SPIDR: variants seen among roughly 807,000 people sequenced by gnomAD.
The protein encoded by SPIDR is scaffold protein involved in DNA repair.
SPIDR carries 93 observed loss-of-function variants against 104.6 expected under a neutral mutation model. The observed-to-expected ratio is 0.89, with a 90% CI of 0.75 to 1.06. The LOEUF (loss-of-function observed/expected upper bound fraction) is 1.06, where lower values mean the gene tolerates loss of function less well. Ranked by LOEUF, SPIDR falls within the 50% of genes least tolerant of loss-of-function variation. The probability of loss-of-function intolerance (pLI) is 0.00; values close to 1 mark genes in which losing one functional copy is unlikely to be tolerated. For missense variants in SPIDR, 1,154 were observed against 1,111.2 expected (o/e 1.04, Z -0.55); for synonymous variants, 431 against 416.9 (o/e 1.03, Z -0.41).
rs1291746001 is a variant in SPIDR, at chr8:47,281,899, CAT to C, written c.189+1883_189+1884del. On this transcript the variant is annotated intron_variant, in intron 2 of 19. Coordinates refer to ENST00000297423, the MANE Select transcript of SPIDR (RefSeq NM_001080394.4). ...ATCTGTGGCAGCTACAGCCATATGA[CAT>C]GTATTTCTGAAATAATAAGATTTGA... Among the ~76,000 whole-genome samples the C allele has an allele frequency of 2.6e-5, 4 of 152,312 alleles. No individual in the cohort carries two copies. In the East Asian group the frequency reaches 7.7e-4, roughly 29 times the overall value.
intron 10 of SPIDR, among the ~76,000 whole-genome samples, chr8:47,610,248 A>AATCCTGCAGCT: frequency 6.6e-6 from 1 of 151,994 alleles, no homozygotes; most frequent in Non-Finnish European, 1.5e-5. Flanking sequence ...TGCAATCTGG[A>AATCCTGCAGCT]GCAGCACTGT....
chr8:47,383,175 A>G (rs1246069572), intron 5 of SPIDR, among the ~76,000 whole-genome samples: 3 of 152,194 alleles, frequency 2.0e-5, no homozygotes, highest in African/African-American at 7.2e-5. Flanking sequence ...CTGCTTTTCC[A>G]GCCTCCTGCC....
chr8:47,407,785 T>C (rs921166709), intron 6 of SPIDR, 76 bp from the exon 7 acceptor site: 2 of 778,186 alleles, frequency 2.6e-6, no homozygotes, highest in Non-Finnish European at 4.1e-6. Context: ...GGTTGGGGGG[T>C]ATACAATATA....
chr8:47,400,677 C>CTTTTTTTTTTTTT (rs35140121), intron 6 of SPIDR, among the ~76,000 whole-genome samples: 1 of 139,542 alleles, frequency 7.2e-6, no homozygotes, highest in Non-Finnish European at 1.5e-5. Flanking sequence ...TTCTTTCTTT[C>CTTTTTTTTTTTTT]TTTTTTTTTT....
At chr8:47,480,118 A>G (rs1190584690) in intron 8 of SPIDR, among the ~76,000 whole-genome samples, 1 of 152,214 alleles carries the variant, frequency 6.6e-6, no homozygotes, top group Admixed American at 6.5e-5. Flanking sequence ...AGAAAAATGT[A>G]TCCATCCACT....
chr8:47,726,624 A>AC (rs1183854410), intron 16 of SPIDR, among the ~76,000 whole-genome samples: 2 of 151,748 alleles, frequency 1.3e-5, no homozygotes, highest in African/African-American at 2.4e-5. Flanking sequence ...TGTCTTGTGG[A>AC]CCCCCCTCAC....
At chr8:47,480,683 C>T (rs2076807007) in intron 8 of SPIDR, among the ~76,000 whole-genome samples, 1 of 152,304 alleles carries the variant, frequency 6.6e-6, no homozygotes, top group Non-Finnish European at 1.5e-5. Flanking sequence ...TGTGGCCTGA[C>T]TTGGATTTCA....
At chr8:47,523,439 T>G (rs1051811498) in intron 8 of SPIDR, among the ~76,000 whole-genome samples, 2 of 152,192 alleles carry the variant, frequency 1.3e-5, no homozygotes, top group Non-Finnish European at 2.9e-5. Context: ...TCAGGGAGGT[T>G]TGAAGATTAT....
intron 8 of SPIDR, among the ~76,000 whole-genome samples, chr8:47,494,944 G>C (rs2079219119): frequency 6.6e-6 from 1 of 152,184 alleles, no homozygotes; most frequent in South Asian, 2.1e-4. Flanking sequence ...CCCAGTGAAG[G>C]GGAAGTGGTA....
chr8:47,339,194 T>G (rs2050282267), intron 5 of SPIDR, among the ~76,000 whole-genome samples: 1 of 152,232 alleles, frequency 6.6e-6, no homozygotes, highest in Admixed American at 6.5e-5. Flanking sequence ...TTTTGGAAGT[T>G]TAGCGATTTT....
chr8:47,653,906 G>T, intron 10 of SPIDR: 2 of 919,480 alleles, frequency 2.2e-6, no homozygotes, highest in Non-Finnish European at 2.6e-6. Flanking sequence ...AAAGGAAAAA[G>T]AATTGTTTAC....
At chr8:47,488,311 G>C (rs1481069557) in intron 8 of SPIDR, among the ~76,000 whole-genome samples, 1 of 152,158 alleles carries the variant, frequency 6.6e-6, no homozygotes, top group African/African-American at 2.4e-5. Flanking sequence ...GGAAGAAGTT[G>C]AATGCCTGAA....
intron 8 of SPIDR, among the ~76,000 whole-genome samples, chr8:47,477,208 T>C (rs1487088092): frequency 6.6e-6 from 1 of 151,980 alleles, no homozygotes; most frequent in Non-Finnish European, 1.5e-5. Context: ...GCAATATATT[T>C]TTTTTTTTTG....
At chr8:47,711,701 T>C (rs1181638421) in intron 14 of SPIDR, among the ~76,000 whole-genome samples, 1 of 152,216 alleles carries the variant, frequency 6.6e-6, no homozygotes, top group African/African-American at 2.4e-5. Flanking sequence ...AAATCATTAT[T>C]TCATACCAAT....
At chr8:47,299,764 T>C (rs1314520725) in intron 5 of SPIDR, among the ~76,000 whole-genome samples, 2 of 152,176 alleles carry the variant, frequency 1.3e-5, no homozygotes, top group Non-Finnish European at 2.9e-5. Flanking sequence ...TATTGATTTC[T>C]GTATGTTGAA....
chr8:47,659,319 T>A (rs958193916), intron 10 of SPIDR, among the ~76,000 whole-genome samples: 8 of 152,310 alleles, frequency 5.3e-5, no homozygotes, highest in Middle Eastern at 3.4e-3. Flanking sequence ...TTTAGCAAAG[T>A]AAGATTGTTA....
At chr8:47,730,870 A>T (rs1315764041) in intron 19 of SPIDR, among the ~76,000 whole-genome samples, 2 of 152,170 alleles carry the variant, frequency 1.3e-5, no homozygotes, top group Non-Finnish European at 2.9e-5. Flanking sequence ...TGTCTGTCAG[A>T]GTTGGATTAA....
chr8:47,624,131 T>C (rs1399937266), intron 10 of SPIDR, among the ~76,000 whole-genome samples: 2 of 152,190 alleles, frequency 1.3e-5, no homozygotes, highest in Admixed American at 1.3e-4. Flanking sequence ...TGCTCCTGAA[T>C]GACTACTGGG....
At chr8:47,682,363 CCA>C (rs2077214689) in intron 11 of SPIDR, among the ~76,000 whole-genome samples, 1 of 151,582 alleles carries the variant, frequency 6.6e-6, no homozygotes, top group African/African-American at 2.4e-5. Context: ...AGATGGGCTG[CCA>C]GGGCCTGAGA....
Sources: gnomAD v4.1 joint callset for allele counts (sites outside exome capture counted in the v4.1 genomes callset) on GRCh38, gnomAD v4.1.1 for gene constraint, MANE v1.5 for transcripts, NCBI Gene and HGNC (gene_info 2026-07-23, HGNC 2026-07-21) for gene names.